The following ABCA13 variants were observed in gnomAD, a reference collection of about 807,000 sequenced individuals.
The protein encoded by ABCA13 is ATP-binding cassette sub-family A member 13.
ABCA13 carries 476 observed loss-of-function variants against 478.7 expected under a neutral mutation model. The ratio of observed to expected loss-of-function variants is 0.99; its 90% CI spans 0.92 to 1.07. The LOEUF is 1.07. ABCA13 is among the 50% of genes least tolerant of loss of function. ABCA13 has a pLI of 0.00. For missense variants in ABCA13, 6,060 were observed against 5,910.6 expected, an observed-to-expected ratio of 1.03 and a Z score of -0.83; for synonymous variants, 2,252 against 2,158.9, an observed-to-expected ratio of 1.04 and a Z score of -1.20.
chr7:48,272,805 T>C lies in ABCA13; in HGVS notation c.3139T>C (p.Phe1047Leu). The change falls in exon 17 of 62, where the codon TTC (phenylalanine) becomes CTC (leucine). Residue 1047 changes from phenylalanine to leucine, a missense_variant. Phe to Leu is a conservative substitution (Grantham distance 22). Transcript: ENST00000435803. ...CTTTTTGGAGCTTCAGGCCCAATCCTTCATGTCTACAGAGGGCCAAGAACT... is the reference window on the plus strand; with the variant it reads ...CTTTTTGGAGCTTCAGGCCCAATCCCTCATGTCTACAGAGGGCCAAGAACT... The part of the protein sequence containing the change: ...FNFLELQAQS[F>L]MSTEGQELEV... The C allele has an allele frequency of 6.2e-7, 1 of 1,606,012 alleles. No homozygotes were observed.
intron 1 of ABCA13, among the ~76,000 whole-genome samples, chr7:48,179,509 C>T (rs554975676): frequency 2.6e-5 from 4 of 152,304 alleles, no homozygotes; most frequent in African/African-American, 9.6e-5. Context: ...TGGGCTGTCC[C>T]GGCCAGACAG....
chr7:48,254,595 ACT>A (rs57822219), intron 15 of ABCA13, among the ~76,000 whole-genome samples: 311 of 151,816 alleles, frequency 2.0e-3, no homozygotes, highest in African/African-American at 7.3e-3. Flanking sequence ...ATAATGCGAC[ACT>A]CTGCATGATT....
rs376614699 is a variant in ABCA13 at position 48,427,760 on chromosome 7, C to T, written c.12460-6C>T. On this transcript the variant is annotated splice_region_variant and splice_polypyrimidine_tract_variant and intron_variant, in intron 41 of 61. Coordinates refer to ENST00000435803, the MANE Select transcript of ABCA13 (RefSeq NM_152701.5). ...ATAATACATGGCGTTTTTTTTTCTC[C>T]GAAAGGTGTTTTTGATGCTTTTGCA... 1.8e-5 allele frequency: 28 copies of T among 1,598,056 alleles called. No homozygotes were observed. The highest frequency in any genetic ancestry group is 1.7e-4 in the Middle Eastern group (1 of 6,026).
At chr7:48,446,828 G>A (rs13221884) in intron 42 of ABCA13, among the ~76,000 whole-genome samples, 45,277 of 152,106 alleles carry the variant, frequency 0.3, 6,825 homozygotes, top group East Asian at 0.38. Context: ...TGCCAATTAT[G>A]CAGGCCAAAG....
chr7:48,227,525 A>T (rs1055089442), intron 6 of ABCA13, 100 bp downstream of exon 6: 1 of 1,377,434 alleles, frequency 7.3e-7, no homozygotes, highest in African/African-American at 1.5e-5. Context: ...GATTTAAAAA[A>T]ACCTCACAAT....
intron 55 of ABCA13, among the ~76,000 whole-genome samples, chr7:48,565,892 A>T (rs7804139): frequency 2.0e-5 from 3 of 152,188 alleles, no homozygotes; most frequent in East Asian, 1.9e-4. Flanking sequence ...AGCCTGTGAC[A>T]TTCCTGTTAA....
intron 36 of ABCA13, among the ~76,000 whole-genome samples, chr7:48,388,552 A>T (rs1815543258): frequency 6.6e-6 from 1 of 152,210 alleles, no homozygotes; most frequent in South Asian, 2.1e-4. Flanking sequence ...GGAAATAGAG[A>T]TGCATCACTC....
chr7:48,240,181 T>C (rs1790603985), intron 9 of ABCA13, among the ~76,000 whole-genome samples: 1 of 152,228 alleles, frequency 6.6e-6, no homozygotes, highest in Non-Finnish European at 1.5e-5. Flanking sequence ...CTTAAAAATA[T>C]ATAGGTGTTG....
intron 31 of ABCA13, among the ~76,000 whole-genome samples, chr7:48,359,041 G>T (rs1458109376): frequency 6.6e-6 from 1 of 151,966 alleles, no homozygotes; most frequent in East Asian, 1.9e-4. Context: ...TGGTTCGCAG[G>T]ACCTTGGGCC....
intron 48 of ABCA13, among the ~76,000 whole-genome samples, chr7:48,492,461 C>T (rs1398715184): frequency 6.6e-6 from 1 of 152,170 alleles, no homozygotes; most frequent in Non-Finnish European, 1.5e-5. Flanking sequence ...ATCAAGCATT[C>T]ATATAATGAC....
chr7:48,578,488 AAATACTTAGCTAT>A (rs773895949), intron 55 of ABCA13, among the ~76,000 whole-genome samples: 3 of 152,200 alleles, frequency 2.0e-5, no homozygotes, highest in Non-Finnish European at 2.9e-5. Context: ...CCCCAAAATG[AAATACTTAGCTAT>A]AAATCTAACA....
chr7:48,368,375 G>A (rs945943933), intron 32 of ABCA13, among the ~76,000 whole-genome samples: 16 of 151,688 alleles, frequency 1.1e-4, no homozygotes, highest in African/African-American at 2.4e-4. Flanking sequence ...TAAGTTCTTC[G>A]GTAGCGATTT....
chr7:48,445,899 GTGGTAACCACT>G (rs1270136425), intron 42 of ABCA13, among the ~76,000 whole-genome samples: 3 of 152,248 alleles, frequency 2.0e-5, no homozygotes, highest in African/African-American at 7.2e-5. Context: ...ATCAAGGCAA[GTGGTAACCACT>G]TGGCCTTACC....
chr7:48,472,644 A>G (rs1194480468), intron 45 of ABCA13, among the ~76,000 whole-genome samples: 1 of 152,136 alleles, frequency 6.6e-6, no homozygotes, highest in Non-Finnish European at 1.5e-5. Flanking sequence ...ATCTCAAAAA[A>G]GCGTTGTCAT....
chr7:48,588,471 A>G (rs2178088), intron 57 of ABCA13, among the ~76,000 whole-genome samples: 3 of 152,130 alleles, frequency 2.0e-5, no homozygotes, highest in Non-Finnish European at 4.4e-5. Flanking sequence ...AGACCCTGAC[A>G]TGCTTTTCTT....
intron 43 of ABCA13, among the ~76,000 whole-genome samples, chr7:48,459,631 T>G (rs1826038884): frequency 6.6e-6 from 1 of 152,190 alleles, no homozygotes; most frequent in South Asian, 2.1e-4. Context: ...ATTCTTGCCT[T>G]TCTTCCTACA....
chr7:48,442,085 T>G (rs1334749864), intron 42 of ABCA13, among the ~76,000 whole-genome samples: 1 of 152,166 alleles, frequency 6.6e-6, no homozygotes, highest in African/African-American at 2.4e-5. Context: ...TGGGGCCAGC[T>G]TTTACTCTAG....
chr7:48,393,785 G>A (rs765641921), intron 38 of ABCA13, among the ~76,000 whole-genome samples: 1 of 152,138 alleles, frequency 6.6e-6, no homozygotes, highest in Admixed American at 6.5e-5. Flanking sequence ...CAAGTAAAAC[G>A]TTTGCAATGA....
intron 8 of ABCA13, among the ~76,000 whole-genome samples, chr7:48,234,958 C>A (rs1478106948): frequency 2.0e-5 from 3 of 152,168 alleles, no homozygotes; most frequent in African/African-American, 7.2e-5. Flanking sequence ...GTGAGTTCCC[C>A]ACAACCTGGT....
Sources: allele counts gnomAD v4.1 joint callset (sites outside exome capture counted in the v4.1 genomes callset), GRCh38; gene constraint gnomAD v4.1.1; transcripts MANE v1.5; gene names NCBI Gene and HGNC (gene_info 2026-07-23, HGNC 2026-07-21).